ARMC9: variants seen among roughly 807,000 people sequenced by gnomAD.
The protein encoded by ARMC9 is armadillo repeat containing 9.
Under a neutral mutation model 107.0 loss-of-function variants are expected in ARMC9, and 94 were observed. The observed-to-expected ratio is 0.88, with a 90% CI of 0.74 to 1.04. ARMC9 has a LOEUF of 1.04. Ranked by LOEUF, ARMC9 falls within the 50% of genes least tolerant of loss-of-function variation. The probability of loss-of-function intolerance (pLI) is 0.00; values close to 1 mark genes in which losing one functional copy is unlikely to be tolerated. For synonymous variants in ARMC9, 380 were observed against 396.9 expected (o/e 0.96, Z 0.51); for missense variants, 942 against 1,030.1 (o/e 0.91, Z 1.17).
intron 3 of ARMC9, among the ~76,000 whole-genome samples, chr2:231,210,055 C>G (rs975715882): frequency 2.0e-5 from 3 of 152,186 alleles, no homozygotes; most frequent in African/African-American, 7.2e-5. Context: ...GGCTTGCAAG[C>G]CCCTTGAGTG....
Position 231,359,082 on chromosome 2 carries a change from G to GTTCTTTTTTTT in ARMC9, c.2132-1670_2132-1669insCTTTTTTTTTT, listed in dbSNP as rs767321498. Among the ~76,000 whole-genome samples the GTTCTTTTTTTT allele has an allele frequency of 3.8e-4, 45 of 117,814 alleles. 5 individuals carry two copies. The highest frequency in any genetic ancestry group is 1.2e-3 in the African/African-American group (33 of 28,298). The allele number at this position is 117,814 out of a possible 152,430, so 77.3% of individuals were successfully genotyped here. A position where few individuals can be genotyped will look rare whatever the true frequency, so the allele number is the denominator to read the frequency against. Reference sequence around the variant, plus strand: ...GCTGTCTTAGTTAGGGGGGTCTCCTGTTTTTTTTTTTTTTTTTTTTTGAGA... The same window carrying GTTCTTTTTTTT: ...GCTGTCTTAGTTAGGGGGGTCTCCTGTTCTTTTTTTTTTTTTTTTTTTTTTTTTTTTTGAGA... On this transcript the variant is annotated intron_variant, in intron 22 of 24. Transcript: ENST00000611582.
intron 3 of ARMC9, among the ~76,000 whole-genome samples, chr2:231,213,919 T>C (rs1340470084): frequency 1.3e-5 from 2 of 152,242 alleles, no homozygotes; most frequent in African/African-American, 4.8e-5. Flanking sequence ...ACAAATATCT[T>C]GGGCATTCGA....
chr2:231,369,913 C>A, intron 23 of ARMC9, 40 bp from the exon 24 acceptor site: 4 of 1,440,756 alleles, frequency 2.8e-6, no homozygotes, highest in Non-Finnish European at 3.7e-6. Context: ...GTTTCTAATG[C>A]TGTAGTAGCT....
At chr2:231,246,083 A>T (rs1412662949) in intron 9 of ARMC9, among the ~76,000 whole-genome samples, 4 of 152,202 alleles carry the variant, frequency 2.6e-5, no homozygotes, top group Non-Finnish European at 5.9e-5. Flanking sequence ...GATTCCTTGG[A>T]TGGGGAGGTT....
At chr2:231,271,401 AGGCAAAATAAGTGAAACAATTAC>A (rs2039319686) in intron 13 of ARMC9, among the ~76,000 whole-genome samples, 1 of 152,224 alleles carries the variant, frequency 6.6e-6, no homozygotes, top group Non-Finnish European at 1.5e-5. Flanking sequence ...TTTCTACTTA[AGGCAAAATAAGTGAAACAATTAC>A]GGCAAAATAA....
intron 22 of ARMC9, among the ~76,000 whole-genome samples, chr2:231,359,550 C>G (rs374131583): frequency 3.3e-5 from 5 of 152,204 alleles, no homozygotes. Context: ...TACGCTCACA[C>G]CCCCTGGGAA....
chr2:231,286,162 C>T (rs910283880), intron 17 of ARMC9, among the ~76,000 whole-genome samples: 1 of 152,164 alleles, frequency 6.6e-6, no homozygotes, highest in African/African-American at 2.4e-5. Flanking sequence ...GTCGCCCAGG[C>T]TGGAGTGCAG....
intron 20 of ARMC9, among the ~76,000 whole-genome samples, chr2:231,340,208 A>G (rs1390901014): frequency 6.6e-6 from 1 of 152,242 alleles, no homozygotes; most frequent in Non-Finnish European, 1.5e-5. Flanking sequence ...GAAGACAAGA[A>G]TCATGTTACC....
rs147306245 is a variant in ARMC9, at chr2:231,247,041, C to T, written c.879+7000C>T. ...CACGGTCTTGGCTCACTGCCAGCTC[C>T]GCCTCCCGGGTTCATGCCATTCTCC... On this transcript the variant is annotated intron_variant, in intron 9 of 24. Transcript: ENST00000611582. Among the ~76,000 whole-genome samples, 1,255 of 152,072 alleles carry T rather than the reference C, an allele frequency of 8.3e-3. 14 individuals are homozygous for T. The highest frequency in any genetic ancestry group is 0.026 in the African/African-American group (1,065 of 41,466).
chr2:231,328,486 A>G (rs2043483848), intron 19 of ARMC9, among the ~76,000 whole-genome samples: 3 of 152,066 alleles, frequency 2.0e-5, no homozygotes, highest in Non-Finnish European at 4.4e-5. Context: ...TCCATGATTC[A>G]TTTCGAGTTG....
intron 20 of ARMC9, among the ~76,000 whole-genome samples, chr2:231,336,937 G>A (rs925509498): frequency 1.3e-5 from 2 of 152,146 alleles, no homozygotes; most frequent in East Asian, 3.9e-4. Context: ...TCAGACCTGG[G>A]CGAGCCCCTG....
chr2:231,247,470 G>T (rs2036878181), intron 9 of ARMC9, among the ~76,000 whole-genome samples: 1 of 152,128 alleles, frequency 6.6e-6, no homozygotes, highest in African/African-American at 2.4e-5. Flanking sequence ...CTTACATCTT[G>T]GCAAATGCCT....
At chr2:231,370,400 C>A (rs2045970772) in intron 24 of ARMC9, among the ~76,000 whole-genome samples, 1 of 152,224 alleles carries the variant, frequency 6.6e-6, no homozygotes, top group African/African-American at 2.4e-5. Context: ...CCAGGCAGGT[C>A]ACTGAGAGAG....
chr2:231,276,524 C>A, intron 14 of ARMC9, 112 bp from the exon 15 acceptor site: 1 of 1,442,486 alleles, frequency 6.9e-7, no homozygotes, highest in Non-Finnish European at 9.4e-7. Context: ...TCCGCCTTGG[C>A]CTCCCAAAGT....
intron 20 of ARMC9, among the ~76,000 whole-genome samples, chr2:231,333,947 T>C (rs191926377): frequency 6.6e-6 from 1 of 152,310 alleles, no homozygotes; most frequent in Non-Finnish European, 1.5e-5. Flanking sequence ...AAAAGCAAGG[T>C]GCAGAACGTG....
At chr2:231,215,194 AT>A in intron 4 of ARMC9, 193 bp downstream of exon 4, 1 of 577,380 alleles carries the variant, frequency 1.7e-6, no homozygotes, top group Non-Finnish European at 2.8e-6. Context: ...TTCTATGGAG[AT>A]TTAATAATTT....
chr2:231,206,296 A>G lies in ARMC9; in HGVS notation c.51+7A>G, dbSNP rs773571141. ...ACTTGGACTAGTGAAAGAGGTAGGT[A>G]TATTATACAAAGCAGAGGTCACAGA... is the stretch of plus-strand genomic sequence containing the variant. On this transcript the variant is annotated splice_region_variant and intron_variant, in intron 2 of 24. Coordinates refer to ENST00000611582, the MANE Select transcript of ARMC9 (RefSeq NM_001352754.2). 1.1e-5 allele frequency: 18 copies of G among 1,611,608 alleles called. No individual in the cohort carries two copies. Among genetic ancestry groups the G allele is most frequent in the African/African-American group, 6.7e-5 (5 of 74,860 alleles).
At chr2:231,220,449 T>A (rs2033999290) in intron 5 of ARMC9, among the ~76,000 whole-genome samples, 1 of 151,940 alleles carries the variant, frequency 6.6e-6, no homozygotes, top group African/African-American at 2.4e-5. Flanking sequence ...ATACAAAAAT[T>A]AGCTGGGCAT....
rs6758989 is a variant in ARMC9 at position 231,371,916 on chromosome 2, A to G, written c.*381A>G. 0.32 allele frequency: 66,864 copies of G among 210,592 alleles called. 13,985 individuals carry two copies. Among genetic ancestry groups the G allele is most frequent in the African/African-American group, 0.63 (27,723 of 43,724 alleles). The allele number at this position is 210,592 out of a possible 1,614,324, so 13.0% of individuals were successfully genotyped here. A position where few individuals can be genotyped will look rare whatever the true frequency, so the allele number is the denominator to read the frequency against. On this transcript the variant is annotated 3_prime_UTR_variant, in exon 25 of 25. Transcript: ENST00000611582. ...CCAGGCCCCAACAGGGCGACAGTGT[A>G]GGGCCAGCCTGGAGCAGGGCTTTTC...
Sources: allele counts gnomAD v4.1 joint callset (sites outside exome capture counted in the v4.1 genomes callset), GRCh38; gene constraint gnomAD v4.1.1; transcripts MANE v1.5; gene names NCBI Gene and HGNC (gene_info 2026-07-23, HGNC 2026-07-21).